The following ROS1 variants were observed in gnomAD, a reference collection of about 807,000 sequenced individuals.
ROS1 encodes the protein ROS proto-oncogene 1, receptor tyrosine kinase, also known as proto-oncogene tyrosine-protein kinase ROS.
In ROS1, 263 loss-of-function variants were observed where a neutral mutation model predicts 273.5. That is an observed-to-expected ratio of 0.96 (90% CI 0.87 to 1.06). The LOEUF is 1.06. Among genes scored for constraint, ROS1 ranks in the 50% least tolerant of loss-of-function variants. The pLI, the probability that ROS1 is intolerant of heterozygous loss-of-function variation, is 0.00. For missense variants in ROS1, 2,833 were observed against 2,751.1 expected (o/e 1.03, Z -0.67); for synonymous variants, 1,008 against 954.1 (o/e 1.06, Z -1.04).
At chr6:117,402,292 T>C (rs948128018) in intron 7 of ROS1, among the ~76,000 whole-genome samples, 16 of 152,186 alleles carry the variant, frequency 1.1e-4, no homozygotes, top group Non-Finnish European at 8.8e-5. Context: ...TTGCCTTAGG[T>C]CTTCCACACG....
chr6:117,349,302 C>A (rs192103111), intron 27 of ROS1, among the ~76,000 whole-genome samples: 1 of 152,092 alleles, frequency 6.6e-6, no homozygotes, highest in East Asian at 1.9e-4. Context: ...TCTTGGAGAA[C>A]TGATCCCTTT....
chr6:117,323,563 G>A (rs1035319835), intron 35 of ROS1, among the ~76,000 whole-genome samples: 6 of 151,922 alleles, frequency 3.9e-5, no homozygotes, highest in African/African-American at 9.7e-5. Flanking sequence ...AAGCAAACTC[G>A]GACAGTTTGG....
intron 4 of ROS1, among the ~76,000 whole-genome samples, chr6:117,411,944 G>A (rs557315138): frequency 1.3e-3 from 196 of 152,298 alleles, no homozygotes; most frequent in African/African-American, 4.5e-3. Flanking sequence ...AAAGGCACAG[G>A]TATAACTAGG....
intron 7 of ROS1, among the ~76,000 whole-genome samples, chr6:117,402,158 A>T (rs781199273): frequency 1.3e-5 from 2 of 152,170 alleles, no homozygotes; most frequent in Non-Finnish European, 2.9e-5. Context: ...CCTTACCAAG[A>T]TCCCTGAGGT....
intron 32 of ROS1, among the ~76,000 whole-genome samples, chr6:117,335,216 G>T (rs1214965420): frequency 6.6e-6 from 1 of 152,088 alleles, no homozygotes; most frequent in African/African-American, 2.4e-5. Flanking sequence ...AGGGATTTAT[G>T]CAGCCAATAA....
At position 117,379,965 on chromosome 6, in the gene ROS1, A is replaced by G. The variant is rs139261490; in HGVS notation, c.2482-806T>C. On this transcript the variant is annotated intron_variant, in intron 17 of 43. Transcript: ENST00000368507. The stretch of plus-strand genomic sequence containing the variant: ...TTGTTGCAATGTATATCTTAAGTTT[A>G]CATCCAGTCATCTAGATGAGGCCTG... 2.6e-3 allele frequency among the ~76,000 whole-genome samples: 402 copies of G among 152,250 alleles called. 2 individuals carry two copies. The highest frequency in any genetic ancestry group is 8.8e-3 in the African/African-American group (364 of 41,570).
At chr6:117,330,209 G>A (rs1214281779) in intron 32 of ROS1, among the ~76,000 whole-genome samples, 4 of 152,224 alleles carry the variant, frequency 2.6e-5, no homozygotes, top group East Asian at 1.9e-4. Flanking sequence ...GGTAGTCAGC[G>A]GCCAGAGTGC....
At chr6:117,330,763 T>C (rs521645) in intron 32 of ROS1, among the ~76,000 whole-genome samples, 55,624 of 151,658 alleles carry the variant, frequency 0.37, 10,251 homozygotes, top group South Asian at 0.44. Flanking sequence ...GAAAAACAAA[T>C]AAGCAGAAAG....
intron 31 of ROS1, among the ~76,000 whole-genome samples, chr6:117,339,797 G>A (rs569607760): frequency 6.6e-5 from 10 of 152,224 alleles, no homozygotes; most frequent in African/African-American, 2.2e-4. Flanking sequence ...GGAGATCTCT[G>A]TCTGCTGTCC....
rs2128753579 is a variant in ROS1, at chr6:117,425,723, T to C, written c.-67A>G. The C allele has an allele frequency of 2.6e-6, 4 of 1,565,410 alleles. No individual in the cohort carries two copies. Among genetic ancestry groups the C allele is most frequent in the Middle Eastern group, 1.7e-4 (1 of 5,946 alleles). ...TCTCCATTTTGCTATATGAATTATT[T>C]GGGCTTCATCACTTCAATTGGAGGA... On this transcript the variant is annotated 5_prime_UTR_variant, in exon 1 of 44. Coordinates refer to ENST00000368507, the MANE Select transcript of ROS1 (RefSeq NM_001378902.1).
intron 1 of ROS1, among the ~76,000 whole-genome samples, chr6:117,423,314 A>G (rs1775895740): frequency 6.6e-6 from 1 of 152,196 alleles, no homozygotes; most frequent in Non-Finnish European, 1.5e-5. Context: ...TGGAAACATT[A>G]AAAAAGGGTT....
chr6:117,348,461 G>A (rs1778549467), intron 27 of ROS1, among the ~76,000 whole-genome samples: 1 of 151,932 alleles, frequency 6.6e-6, no homozygotes, highest in South Asian at 2.1e-4. Flanking sequence ...TTAGCAATTT[G>A]CATCCACTCT....
chr6:117,298,861 AT>A (rs1363580328), intron 43 of ROS1, among the ~76,000 whole-genome samples: 2 of 152,166 alleles, frequency 1.3e-5, no homozygotes. Context: ...TGTTGAAATA[AT>A]TTTTTTAATT....
intron 33 of ROS1, chr6:117,328,716 T>C (rs2128590768): frequency 1.6e-6 from 1 of 612,728 alleles, no homozygotes; most frequent in Non-Finnish European, 3.2e-6. Context: ...ATGAAATCAG[T>C]CCTTCTAAGC....
In ROS1 at chr6:117,365,154, C is replaced by T; in HGVS notation, c.3009G>A (p.Leu1003=). Residue 1003 remains leucine, a synonymous_variant, in exon 21 of 44, where the codon CTG becomes CTA. Coordinates refer to ENST00000368507, the MANE Select transcript of ROS1 (RefSeq NM_001378902.1). The part of the protein sequence containing the change: ...HSLPVFTVEG[L]EPYALFNLSV... ...AAAGATTAAATAAGGCATAAGGTTC[C>T]AGTCCTTCCACAGTAAATACAGGTA... 1 of 1,613,090 alleles carries T rather than the reference C, an allele frequency of 6.2e-7. No homozygotes were observed. The highest frequency in any genetic ancestry group is 8.5e-7 in the Non-Finnish European group (1 of 1,179,142).
intron 22 of ROS1, 108 bp from the exon 23 acceptor site, chr6:117,360,513 A>T: frequency 2.8e-6 from 2 of 723,290 alleles, no homozygotes. Context: ...CCTGATACAC[A>T]ATATTAATAG....
intron 32 of ROS1, among the ~76,000 whole-genome samples, chr6:117,329,941 C>G (rs1219610123): frequency 1.3e-5 from 2 of 152,196 alleles, no homozygotes; most frequent in Admixed American, 6.5e-5. Flanking sequence ...TCTGCCTAAG[C>G]TTACTGAACT....
In ROS1 at chr6:117,319,952, TC is replaced by T. The variant is rs1188904780; in HGVS notation, c.5837del (p.Gly1946GlufsTer17). 3 of 1,613,446 alleles carry T rather than the reference TC, an allele frequency of 1.9e-6. No individual in the cohort carries two copies. The highest frequency in any genetic ancestry group is 2.5e-6 in the Non-Finnish European group (3 of 1,179,636). Reference sequence around the variant, plus strand: ...CATACACTTCTCCAAAGGCTCCACTTCCCAGCAAGAGACGCAGAGTCAGTTT... The same window carrying T: ...CATACACTTCTCCAAAGGCTCCACTTCCAGCAAGAGACGCAGAGTCAGTTT... ...REKLTLRLLL[G>X]SGAFGEVYEG... On this transcript the variant is annotated frameshift_variant, in exon 37 of 44. Coordinates refer to ENST00000368507, the MANE Select transcript of ROS1 (RefSeq NM_001378902.1). LOFTEE classifies it high-confidence loss of function.
In ROS1 at chr6:117,362,695, T is replaced by C; in HGVS notation, c.3274A>G (p.Thr1092Ala). 1.2e-6 allele frequency: 2 copies of C among 1,613,546 alleles called. No homozygotes were observed. The highest frequency in any genetic ancestry group is 2.2e-5 in the East Asian group (1 of 44,860). ...TTGACAGCAATCCAGTCTTCACATG[T>C]TTTGTTTGTAATACTTTGATTGGAT... ...NISNQSITNKTCEDWIAVNVT... is the reference protein window; with the variant it reads ...NISNQSITNKACEDWIAVNVT... Residue 1092 changes from threonine (T) to alanine (A), a missense_variant, in exon 22 of 44, where the codon ACA becomes GCA. Coordinates refer to ENST00000368507, the MANE Select transcript of ROS1 (RefSeq NM_001378902.1).
Sources: gnomAD v4.1 joint callset for allele counts (sites outside exome capture counted in the v4.1 genomes callset) on GRCh38, gnomAD v4.1.1 for gene constraint, MANE v1.5 for transcripts, NCBI Gene and HGNC (gene_info 2026-07-23, HGNC 2026-07-21) for gene names.